The following RCAN2 variants were observed in gnomAD, a reference collection of about 807,000 sequenced individuals.
RCAN2 encodes regulator of calcineurin 2, also known as calcipressin-2.
RCAN2 carries 9 observed loss-of-function variants against 23.6 expected under a neutral mutation model. That is an observed-to-expected ratio of 0.38 (90% CI 0.23 to 0.67). RCAN2 has a LOEUF of 0.67. RCAN2 is among the 30% of genes least tolerant of loss of function. RCAN2 has a pLI of 0.51. For missense variants in RCAN2, 273 were observed against 302.3 expected, an observed-to-expected ratio of 0.90 and a Z score of 0.72; for synonymous variants, 109 against 115.7, an observed-to-expected ratio of 0.94 and a Z score of 0.37.
Position 46,222,248 on chromosome 6 carries a change from C to T in RCAN2, c.*893G>A, listed in dbSNP as rs773604424. On this transcript the variant is annotated 3_prime_UTR_variant, in exon 5 of 5. Transcript: ENST00000371374. ...ATTATGTTTTGAAGCAGCTAATTGT[C>T]GAACAATCACTAAATAAAAAACATC... 1.4e-4 allele frequency: 48 copies of T among 345,256 alleles called. No homozygotes were observed. Among genetic ancestry groups the T allele is most frequent in the Middle Eastern group, 7.6e-4 (1 of 1,324 alleles). 21.4% of individuals were successfully genotyped at this position (345,256 alleles called of 1,614,324 possible). A position where few individuals can be genotyped will look rare whatever the true frequency, so the allele number is the denominator to read the frequency against.
At chr6:46,432,757 G>A (rs1160248577) in intron 2 of RCAN2, among the ~76,000 whole-genome samples, 1 of 152,100 alleles carries the variant, frequency 6.6e-6, no homozygotes, top group African/African-American at 2.4e-5. Context: ...AGCTGAGGGA[G>A]GCAGCTTATC....
chr6:46,262,521 C>G (rs1024654713), intron 2 of RCAN2, among the ~76,000 whole-genome samples: 4 of 151,714 alleles, frequency 2.6e-5, no homozygotes, highest in African/African-American at 9.7e-5. Context: ...TTTGGGAGGC[C>G]AAGGTGGGAG....
At chr6:46,287,139 G>A (rs895347451) in intron 2 of RCAN2, among the ~76,000 whole-genome samples, 2 of 152,146 alleles carry the variant, frequency 1.3e-5, no homozygotes, top group South Asian at 4.2e-4. Context: ...GGTCCTTCAG[G>A]TAGGCACAAA....
At chr6:46,327,533 GAAAAGGT>G (rs906010331) in intron 2 of RCAN2, among the ~76,000 whole-genome samples, 2 of 152,210 alleles carry the variant, frequency 1.3e-5, no homozygotes, top group Non-Finnish European at 2.9e-5. Context: ...GGCAGCTTTT[GAAAAGGT>G]AAATGGGGGA....
chr6:46,420,332 T>A (rs1423391072), intron 2 of RCAN2, among the ~76,000 whole-genome samples: 1 of 152,134 alleles, frequency 6.6e-6, no homozygotes, highest in African/African-American at 2.4e-5. Flanking sequence ...TAAGGGGAGC[T>A]ATTTGCAAGG....
chr6:46,289,248 C>A (rs1475968158), intron 2 of RCAN2, among the ~76,000 whole-genome samples: 1 of 152,120 alleles, frequency 6.6e-6, no homozygotes. Flanking sequence ...TTTTTCCCCC[C>A]AGGCCTGGGT....
chr6:46,415,754 G>A (rs1766694878), intron 2 of RCAN2, among the ~76,000 whole-genome samples: 4 of 152,106 alleles, frequency 2.6e-5, no homozygotes, highest in Admixed American at 6.5e-5. Context: ...AGTTCAAAAA[G>A]ATGAGCATGT....
At chr6:46,248,964 A>T in intron 2 of RCAN2, 68 bp from the exon 3 acceptor site, 1 of 1,121,070 alleles carries the variant, frequency 8.9e-7, no homozygotes, top group South Asian at 1.7e-5. Flanking sequence ...GTCATATCTG[A>T]TAAAAACAAA....
At chr6:46,286,569 T>C (rs986894534) in intron 2 of RCAN2, among the ~76,000 whole-genome samples, 9 of 152,140 alleles carry the variant, frequency 5.9e-5, no homozygotes, top group African/African-American at 1.9e-4. Flanking sequence ...AGAATAAAGA[T>C]GGACTATCCA....
At chr6:46,403,797 CA>C (rs922781959) in intron 2 of RCAN2, among the ~76,000 whole-genome samples, 5 of 151,616 alleles carry the variant, frequency 3.3e-5, no homozygotes, top group African/African-American at 1.2e-4. Context: ...AAACGTTTTA[CA>C]AAAAAAAGTT....
chr6:46,353,048 G>A (rs964320260), intron 2 of RCAN2, among the ~76,000 whole-genome samples: 1 of 152,196 alleles, frequency 6.6e-6, no homozygotes, highest in African/African-American at 2.4e-5. Context: ...TTAGTTAGCT[G>A]AGTCATTCCA....
At chr6:46,225,961 T>C (rs1291631956) in intron 4 of RCAN2, among the ~76,000 whole-genome samples, 1 of 152,228 alleles carries the variant, frequency 6.6e-6, no homozygotes, top group Non-Finnish European at 1.5e-5. Flanking sequence ...TTAATTTGTG[T>C]ATAAAGTAGG....
chr6:46,355,835 T>C (rs578246133), intron 2 of RCAN2, among the ~76,000 whole-genome samples: 8 of 152,280 alleles, frequency 5.3e-5, no homozygotes, highest in African/African-American at 1.7e-4. Context: ...AGTCCTCTGG[T>C]TAAACTGCTT....
At chr6:46,489,518 G>C (rs1769081692) in intron 1 of RCAN2, among the ~76,000 whole-genome samples, 1 of 152,326 alleles carries the variant, frequency 6.6e-6, no homozygotes, top group East Asian at 1.9e-4. Flanking sequence ...TCAATAAAAA[G>C]AATTTGTGAT....
chr6:46,263,402 T>A (rs532247651), intron 2 of RCAN2, among the ~76,000 whole-genome samples: 1 of 152,294 alleles, frequency 6.6e-6, no homozygotes, highest in Admixed American at 6.5e-5. Flanking sequence ...CCAATTCCTC[T>A]TACTATTTAA....
At chr6:46,405,914 G>T (rs2150405394) in intron 2 of RCAN2, among the ~76,000 whole-genome samples, 1 of 152,342 alleles carries the variant, frequency 6.6e-6, no homozygotes, top group East Asian at 1.9e-4. Context: ...CTGCCCCGCG[G>T]GAAGGCAGCT....
At position 46,333,334 on chromosome 6, in the gene RCAN2, G is replaced by T. The variant is rs185442394; in HGVS notation, c.226-84438C>A. Among the ~76,000 whole-genome samples the T allele has an allele frequency of 2.0e-5, 3 of 152,196 alleles. No homozygotes were observed. The East Asian group carries it at 5.8e-4, about 29-fold the overall frequency. ...AATCACCATAAAATGTGATGCTGGCGATCACACCATAGTAATATGTAGAAA... is the reference window on the plus strand; with the variant it reads ...AATCACCATAAAATGTGATGCTGGCTATCACACCATAGTAATATGTAGAAA... On this transcript the variant is annotated intron_variant, in intron 2 of 4. Transcript: ENST00000371374.
At chr6:46,294,523 A>G (rs1027353206) in intron 2 of RCAN2, among the ~76,000 whole-genome samples, 1 of 152,166 alleles carries the variant, frequency 6.6e-6, no homozygotes, top group African/African-American at 2.4e-5. Context: ...TTTTTTTTAA[A>G]TGAACAAACT....
chr6:46,253,846 A>C (rs1194852131), intron 2 of RCAN2, among the ~76,000 whole-genome samples: 1 of 152,170 alleles, frequency 6.6e-6, no homozygotes, highest in Admixed American at 6.5e-5. Context: ...ACAAATACTT[A>C]TGTGTAAAAA....
Sources: gnomAD v4.1 joint callset for allele counts (sites outside exome capture counted in the v4.1 genomes callset) on GRCh38, gnomAD v4.1.1 for gene constraint, MANE v1.5 for transcripts, NCBI Gene and HGNC (gene_info 2026-07-23, HGNC 2026-07-21) for gene names.